The following CAB39 variants were observed in gnomAD, a reference collection of about 807,000 sequenced individuals.
The protein encoded by CAB39 is calcium-binding protein 39.
A neutral mutation model predicts 40.0 loss-of-function variants in CAB39; 8 were observed. The ratio of observed to expected loss-of-function variants is 0.20; its 90% CI spans 0.12 to 0.36. The LOEUF (loss-of-function observed/expected upper bound fraction) is 0.36, where lower values mean the gene tolerates loss of function less well. Among genes scored for constraint, CAB39 ranks in the 10% least tolerant of loss-of-function variants. CAB39 has a pLI of 1.00. For synonymous variants in CAB39, 156 were observed against 141.6 expected, an observed-to-expected ratio of 1.10 and a Z score of -0.72; for missense variants, 270 against 401.1, an observed-to-expected ratio of 0.67 and a Z score of 2.79.
At chr2:230,813,978 C>CTTGTTTTTTTTTTTTT in intron 6 of CAB39, 71 bp from the exon 7 acceptor site, 1 of 111,338 alleles carries the variant, frequency 9.0e-6, no homozygotes, top group Non-Finnish European at 1.5e-5. Flanking sequence ...ACCTACCAGT[C>CTTGTTTTTTTTTTTTT]TTTTTTTTTT....
Position 230,817,942 on chromosome 2 carries a change from C to A in CAB39, c.837+45C>A. On this transcript the variant is annotated intron_variant, in intron 8 of 8. Transcript: ENST00000258418. Reference sequence around the variant, plus strand: ...AGTGATACTGTCCACTGGAATTGTTCGTCGTCTTTCATTCGCAAATAACGG... The same window carrying A: ...AGTGATACTGTCCACTGGAATTGTTAGTCGTCTTTCATTCGCAAATAACGG... 3 of 1,539,910 alleles carry A rather than the reference C, an allele frequency of 1.9e-6. No individual in the cohort carries two copies. The South Asian group carries it at 3.7e-5, about 19-fold the overall frequency.
intron 2 of CAB39, among the ~76,000 whole-genome samples, chr2:230,772,810 C>T (rs958875132): frequency 5.9e-5 from 9 of 151,998 alleles, no homozygotes; most frequent in African/African-American, 2.2e-4. Context: ...TTAAACCAAA[C>T]TCGAACCAAC....
At chr2:230,759,765 T>A (rs550374858) in intron 1 of CAB39, among the ~76,000 whole-genome samples, 194 bp from the exon 2 acceptor site, 4 of 152,348 alleles carry the variant, frequency 2.6e-5, no homozygotes, top group Non-Finnish European at 5.9e-5. Context: ...AAAAATACAG[T>A]GTTCTGTAAT....
chr2:230,785,855 G>GTGT (rs1362644201), intron 2 of CAB39, among the ~76,000 whole-genome samples: 9 of 151,300 alleles, frequency 5.9e-5, no homozygotes, highest in African/African-American at 2.2e-4. Context: ...GCTAACTTTT[G>GTGT]TGTTTTTTTT....
intron 1 of CAB39, among the ~76,000 whole-genome samples, chr2:230,726,662 G>A (rs1694578196): frequency 6.6e-6 from 1 of 152,044 alleles, no homozygotes. Flanking sequence ...ACAGCAAAGT[G>A]TAAATACCTT....
At chr2:230,755,101 G>A (rs371229792) in intron 1 of CAB39, among the ~76,000 whole-genome samples, 4 of 151,984 alleles carry the variant, frequency 2.6e-5, no homozygotes, top group South Asian at 2.1e-4. Flanking sequence ...TTATCCACTC[G>A]TTGATTGATG....
chr2:230,725,379 C>T, intron 1 of CAB39: 4 of 1,600,608 alleles, frequency 2.5e-6, no homozygotes, highest in Non-Finnish European at 3.4e-6. Context: ...GCCACGAAGT[C>T]TCGGTGCTTT....
At chr2:230,742,833 T>G (rs1323893568) in intron 1 of CAB39, among the ~76,000 whole-genome samples, 1 of 150,770 alleles carries the variant, frequency 6.6e-6, no homozygotes, top group Non-Finnish European at 1.5e-5. Flanking sequence ...TAGGTCCTAG[T>G]GTTGATTAGC....
chr2:230,773,500 TACTTGAAATAC>T (rs1695529628), intron 2 of CAB39, among the ~76,000 whole-genome samples: 1 of 152,090 alleles, frequency 6.6e-6, no homozygotes, highest in South Asian at 2.1e-4. Context: ...TAGATTGCAA[TACTTGAAATAC>T]ACTATTGAAA....
At chr2:230,775,350 C>T (rs1347878515) in intron 2 of CAB39, among the ~76,000 whole-genome samples, 1 of 151,758 alleles carries the variant, frequency 6.6e-6, no homozygotes, top group South Asian at 2.1e-4. Flanking sequence ...GTTCTCCTGC[C>T]TCAGCCTCCT....
At chr2:230,804,247 ATTCAAGAT>A (rs1267880031) in intron 5 of CAB39, among the ~76,000 whole-genome samples, 1 of 152,246 alleles carries the variant, frequency 6.6e-6, no homozygotes, top group African/African-American at 2.4e-5. Flanking sequence ...ACAAAACTTA[ATTCAAGAT>A]GGATTAAAGA....
chr2:230,796,471 A>T (rs1695989580), intron 4 of CAB39, among the ~76,000 whole-genome samples: 1 of 152,160 alleles, frequency 6.6e-6, no homozygotes, highest in African/African-American at 2.4e-5. Context: ...CAAGCTTGAC[A>T]AGCCTCCATC....
At chr2:230,753,863 C>T (rs1233204397) in intron 1 of CAB39, among the ~76,000 whole-genome samples, 2 of 151,998 alleles carry the variant, frequency 1.3e-5, no homozygotes, top group Admixed American at 6.5e-5. Context: ...TCGTGAACTT[C>T]AGTTATGTCC....
At chr2:230,713,509 T>A (rs1337698822) in intron 1 of CAB39, 1 of 152,442 alleles carries the variant, frequency 6.6e-6, no homozygotes, top group Non-Finnish European at 1.5e-5. Context: ...CCCCCGTGGT[T>A]CTCTGGCGGG....
chr2:230,734,557 A>G (rs1051369632), intron 1 of CAB39, among the ~76,000 whole-genome samples: 2 of 151,936 alleles, frequency 1.3e-5, no homozygotes, highest in African/African-American at 2.4e-5. Flanking sequence ...GAATGACCCT[A>G]TGACCCTTCC....
chr2:230,812,453 A>T (rs1696322087), intron 6 of CAB39, among the ~76,000 whole-genome samples: 1 of 152,254 alleles, frequency 6.6e-6, no homozygotes, highest in African/African-American at 2.4e-5. Flanking sequence ...GGGGCCACAT[A>T]CATACTTTTC....
intron 1 of CAB39, among the ~76,000 whole-genome samples, chr2:230,715,206 A>G (rs1490061331): frequency 6.6e-6 from 1 of 152,212 alleles, no homozygotes; most frequent in Admixed American, 6.5e-5. Context: ...CAACAATGGA[A>G]GTCTTCTAAG....
intron 1 of CAB39, among the ~76,000 whole-genome samples, chr2:230,715,113 T>C (rs571125273): frequency 2.0e-5 from 3 of 152,346 alleles, no homozygotes; most frequent in South Asian, 4.1e-4. Context: ...TAATGAAATA[T>C]ATTGTATGCA....
rs60991478 is a variant in CAB39 at position 230,746,467 on chromosome 2, T to G, written c.-43-13492T>G. ...GATGGCTCTATAAATAGTGTTGCAC[T>G]CTTAGGAACCCAGATCAACCCTTTG... is the stretch of plus-strand genomic sequence containing the variant. On this transcript the variant is annotated intron_variant, in intron 1 of 8. Coordinates refer to ENST00000258418, the MANE Select transcript of CAB39 (RefSeq NM_016289.4). Among the ~76,000 whole-genome samples the G allele has an allele frequency of 6.2e-3, 947 of 152,316 alleles. 5 individuals are homozygous for G. Among genetic ancestry groups the G allele is most frequent in the African/African-American group, 0.021 (891 of 41,564 alleles).
Sources: allele counts gnomAD v4.1 joint callset (sites outside exome capture counted in the v4.1 genomes callset), GRCh38; gene constraint gnomAD v4.1.1; transcripts MANE v1.5; gene names NCBI Gene and HGNC (gene_info 2026-07-23, HGNC 2026-07-21).